ZNF713: variants seen among roughly 807,000 people sequenced by gnomAD.
ZNF713 encodes zinc finger protein 713.
Under a neutral mutation model 28.7 loss-of-function variants are expected in ZNF713, and 21 were observed. That is an observed-to-expected ratio of 0.73 (90% CI 0.52 to 1.05). The LOEUF (loss-of-function observed/expected upper bound fraction) is 1.05. Ranked by LOEUF, ZNF713 falls within the 50% of genes least tolerant of loss-of-function variation. ZNF713 has a pLI of 0.00. For missense variants in ZNF713, 458 were observed against 532.4 expected (o/e 0.86, Z 1.37); for synonymous variants, 167 against 178.0 (o/e 0.94, Z 0.49).
chr7:55,900,261 A>G (rs983311232), intron 1 of ZNF713, among the ~76,000 whole-genome samples: 1 of 152,000 alleles, frequency 6.6e-6, no homozygotes, highest in African/African-American at 2.4e-5. Context: ...CGAGGTCAGG[A>G]GTTTGAGATC....
rs1428962357 is a variant in ZNF713, at chr7:55,940,543, G to T, written c.*537G>T. 1.0e-6 allele frequency: 1 copy of T among 982,090 alleles called. No homozygotes were observed. Among genetic ancestry groups the T allele is most frequent in the Non-Finnish European group, 1.2e-6 (1 of 827,146 alleles). 60.8% of individuals were successfully genotyped at this position (982,090 alleles called of 1,614,324 possible). A position where few individuals can be genotyped will look rare whatever the true frequency, so the allele number is the denominator to read the frequency against. ...TATTTTACAAATGAGATTATATTTG[G>T]AGTCATGTTCCAAATCTGATATAAA... On this transcript the variant is annotated 3_prime_UTR_variant, in exon 7 of 7. Transcript: ENST00000429591.
intron 1 of ZNF713, among the ~76,000 whole-genome samples, chr7:55,897,561 A>C (rs1785496836): frequency 1.3e-5 from 2 of 152,126 alleles, no homozygotes; most frequent in South Asian, 4.1e-4. Flanking sequence ...GATTACAAGC[A>C]TACAAGCATG....
chr7:55,909,377 A>T (rs1447038230), intron 2 of ZNF713, among the ~76,000 whole-genome samples: 2 of 152,104 alleles, frequency 1.3e-5, no homozygotes, highest in African/African-American at 4.8e-5. Flanking sequence ...TGGATTAGCT[A>T]TTCTGTTCCA....
intron 6 of ZNF713, among the ~76,000 whole-genome samples, chr7:55,933,975 G>A (rs1418137169): frequency 1.3e-5 from 2 of 152,164 alleles, no homozygotes; most frequent in Non-Finnish European, 2.9e-5. Context: ...AAAGTGCTGG[G>A]ATTACAGGCA....
rs201560134 is a variant in ZNF713 at position 55,911,310 on chromosome 7, T to C, written c.-455-306T>C. ...TCTTACTTTGTTGTTGAAACATGTG[T>C]TTTTCCATCTTTCTAAAGAAAACAG... On this transcript the variant is annotated intron_variant, in intron 2 of 6. Coordinates refer to ENST00000429591, the MANE Select transcript of ZNF713 (RefSeq NM_182633.3). Among the ~76,000 whole-genome samples the C allele has an allele frequency of 5.3e-5, 8 of 152,234 alleles. No individual in the cohort carries two copies. The East Asian group carries it at 1.5e-3, about 29-fold the overall frequency.
At chr7:55,888,733 A>ACGTACATAAATG (rs1785324859) in intron 1 of ZNF713, among the ~76,000 whole-genome samples, 1 of 132,900 alleles carries the variant, frequency 7.5e-6, no homozygotes, top group Non-Finnish European at 1.6e-5. Flanking sequence ...GAATACATAT[A>ACGTACATAAATG]CGTACATACA....
chr7:55,887,524 G>C lies in ZNF713; in HGVS notation c.-739G>C, dbSNP rs868864821. The stretch of plus-strand genomic sequence containing the variant: ...GTCTGGCGCGCCGGTGGCTGGACCG[G>C]CCCCAGGAGCCCAGTCACCGGGCGT... On this transcript the variant is annotated 5_prime_UTR_variant, in exon 1 of 7. Transcript: ENST00000429591. 52 of 166,714 alleles carry C rather than the reference G, an allele frequency of 3.1e-4. No individual in the cohort carries two copies. Among genetic ancestry groups the C allele is most frequent in the Non-Finnish European group, 5.1e-5 (4 of 78,646 alleles). The allele number at this position is 166,714 out of a possible 1,614,324, so 10.3% of individuals were successfully genotyped here. A position where few individuals can be genotyped will look rare whatever the true frequency, so the allele number is the denominator to read the frequency against.
intron 4 of ZNF713, among the ~76,000 whole-genome samples, chr7:55,920,125 G>A (rs1785967904): frequency 6.6e-6 from 1 of 151,898 alleles, no homozygotes; most frequent in African/African-American, 2.4e-5. Flanking sequence ...CAAGTGAAAG[G>A]AAGAGTCACA....
intron 4 of ZNF713, among the ~76,000 whole-genome samples, chr7:55,919,510 T>TTTTTTTTTG (rs1785949903): frequency 1.7e-5 from 1 of 60,404 alleles, no homozygotes; most frequent in African/African-American, 6.4e-5. Context: ...TTTTTTTTTT[T>TTTTTTTTTG]TTTTTTTTTT....
intron 4 of ZNF713, among the ~76,000 whole-genome samples, chr7:55,915,328 A>G (rs1213685384): frequency 6.6e-6 from 1 of 152,172 alleles, no homozygotes. Context: ...GTATGTGACA[A>G]GTTTTTTTTC....
chr7:55,938,153 A>G (rs553155316), intron 6 of ZNF713, among the ~76,000 whole-genome samples: 48 of 152,168 alleles, frequency 3.2e-4, no homozygotes, highest in African/African-American at 1.0e-3. Context: ...GCGGTGAGCC[A>G]AGATCACACC....
Position 55,939,044 on chromosome 7 carries a change from CA to C in ZNF713, c.373del (p.Thr125ProfsTer4). 1 of 1,609,044 alleles carries C rather than the reference CA, an allele frequency of 6.2e-7. No individual in the cohort carries two copies. The highest frequency in any genetic ancestry group is 8.5e-7 in the Non-Finnish European group (1 of 1,178,068). ...AAGCCAGAATATTTCTGATGAAAAT[CA>C]AACCCATGAGATGATAATGGAGAGA... is the stretch of plus-strand genomic sequence containing the variant. ...TTSQNISDEN[Q>X]THEMIMERLA... On this transcript the variant is annotated frameshift_variant, in exon 7 of 7. Transcript: ENST00000429591. LOFTEE classifies it high-confidence loss of function.
In ZNF713 at chr7:55,941,518, T is replaced by G. The variant is rs1296083343; in HGVS notation, c.*1512T>G. The G allele has an allele frequency of 6.6e-6, 1 of 151,758 alleles. No individual in the cohort carries two copies. The highest frequency in any genetic ancestry group is 1.5e-5 in the Non-Finnish European group (1 of 67,962). 9.4% of individuals were successfully genotyped at this position (151,758 alleles called of 1,614,324 possible). On this transcript the variant is annotated 3_prime_UTR_variant, in exon 7 of 7. Transcript: ENST00000429591. ...CTGTAGTGCAGCCAGTCACATTAAC[T>G]TGAAATAAACATAAAAGAGGAATAT...
chr7:55,909,125 G>C (rs547625957), intron 2 of ZNF713, among the ~76,000 whole-genome samples: 41 of 151,004 alleles, frequency 2.7e-4, no homozygotes, highest in African/African-American at 9.8e-4. Context: ...CTTGAACCAG[G>C]GAGTCGGAGG....
At chr7:55,895,760 G>A (rs747246286) in intron 1 of ZNF713, among the ~76,000 whole-genome samples, 9 of 152,078 alleles carry the variant, frequency 5.9e-5, no homozygotes, top group Non-Finnish European at 7.3e-5. Context: ...GAGCCACTGC[G>A]CCTGGCTTGT....
Position 55,939,356 on chromosome 7 carries a change from A to G in ZNF713, c.682A>G (p.Asn228Asp). The change falls in exon 7 of 7, where the codon AAT becomes GAT. Residue 228 changes from asparagine to aspartate, a missense_variant. Physicochemically the swap from Asn to Asp is conservative, Grantham distance 23. Coordinates refer to ENST00000429591, the MANE Select transcript of ZNF713 (RefSeq NM_182633.3). ...HNSDLIYYQGNYVRETPYEYS... is the reference protein window; with the variant it reads ...HNSDLIYYQGDYVRETPYEYS... ...TTCAGACTTGATTTACTATCAGGGA[A>G]ATTATGTAAGAGAGACTCCCTATGA... The G allele has an allele frequency of 1.2e-6, 2 of 1,614,022 alleles. No homozygotes were observed. The highest frequency in any genetic ancestry group is 2.2e-5 in the East Asian group (1 of 44,882).
intron 1 of ZNF713, among the ~76,000 whole-genome samples, chr7:55,900,197 G>A (rs1168727281): frequency 6.6e-6 from 1 of 152,180 alleles, no homozygotes; most frequent in Non-Finnish European, 1.5e-5. Flanking sequence ...GCCGGGCGTG[G>A]TGGCTCACCC....
At chr7:55,901,282 A>G (rs1367535829) in intron 1 of ZNF713, among the ~76,000 whole-genome samples, 6 of 152,152 alleles carry the variant, frequency 3.9e-5, no homozygotes, top group Non-Finnish European at 8.8e-5. Flanking sequence ...TTATGCAGAG[A>G]AACTCTAGCT....
chr7:55,907,969 A>G (rs966540703), intron 2 of ZNF713, among the ~76,000 whole-genome samples: 10 of 152,056 alleles, frequency 6.6e-5, no homozygotes, highest in African/African-American at 2.4e-4. Flanking sequence ...ATCTCTGGAT[A>G]GGTACCCAGT....
Sources: allele counts gnomAD v4.1 joint callset (sites outside exome capture counted in the v4.1 genomes callset), GRCh38; gene constraint gnomAD v4.1.1; transcripts MANE v1.5; gene names NCBI Gene and HGNC (gene_info 2026-07-23, HGNC 2026-07-21).